The following TAOK1 variants were observed in gnomAD, a reference collection of about 807,000 sequenced individuals.
TAOK1 encodes serine/threonine-protein kinase TAO1.
TAOK1 carries 21 observed loss-of-function variants against 138.3 expected under a neutral mutation model. The ratio of observed to expected loss-of-function variants is 0.15; its 90% CI spans 0.11 to 0.22. The LOEUF (loss-of-function observed/expected upper bound fraction) is 0.22. Ranked by LOEUF, TAOK1 falls within the 10% of genes least tolerant of loss-of-function variation. The pLI, the probability that TAOK1 is intolerant of heterozygous loss-of-function variation, is 1.00. For synonymous variants in TAOK1, 361 were observed against 398.4 expected (o/e 0.91, Z 1.12); for missense variants, 651 against 1,227.7 (o/e 0.53, Z 7.02).
chr17:29,518,093 C>T (rs757679287), intron 16 of TAOK1, among the ~76,000 whole-genome samples: 4 of 152,112 alleles, frequency 2.6e-5, no homozygotes, highest in Non-Finnish European at 4.4e-5. Context: ...TGGCCTCATG[C>T]GGTCTGCCCG....
intron 1 of TAOK1, among the ~76,000 whole-genome samples, chr17:29,419,479 T>C (rs1183391143): frequency 6.7e-6 from 1 of 149,950 alleles, no homozygotes; most frequent in East Asian, 1.9e-4. Flanking sequence ...TGTGAGCCAC[T>C]GCGCCCGGCA....
chr17:29,470,117 T>C (rs1224250095), intron 3 of TAOK1, among the ~76,000 whole-genome samples: 1 of 152,212 alleles, frequency 6.6e-6, no homozygotes, highest in Non-Finnish European at 1.5e-5. Context: ...CTAGTCCTCC[T>C]CTCACACCTC....
At chr17:29,408,448 T>TC (rs1265451615) in intron 1 of TAOK1, among the ~76,000 whole-genome samples, 2 of 151,968 alleles carry the variant, frequency 1.3e-5, no homozygotes, top group Admixed American at 1.3e-4. Context: ...ACTCCTGACC[T>TC]CGAGTGATCC....
rs2032413386 is a variant in TAOK1 at position 29,547,035 on chromosome 17, T to C, written c.*4013T>C. On this transcript the variant is annotated 3_prime_UTR_variant, in exon 20 of 20. Coordinates refer to ENST00000261716, the MANE Select transcript of TAOK1 (RefSeq NM_020791.4). ...AGGAGCCAGTTAGTGTTTCTGTGAGTTTGTGTTGTGATGCAATAAGAGATA... is the reference window on the plus strand; with the variant it reads ...AGGAGCCAGTTAGTGTTTCTGTGAGCTTGTGTTGTGATGCAATAAGAGATA... The C allele has an allele frequency of 6.6e-6, 1 of 152,002 alleles. No individual in the cohort carries two copies. Among genetic ancestry groups the C allele is most frequent in the Admixed American group, 6.6e-5 (1 of 15,240 alleles). 9.4% of individuals were successfully genotyped at this position (152,002 alleles called of 1,614,324 possible). A position where few individuals can be genotyped will look rare whatever the true frequency, so the allele number is the denominator to read the frequency against.
intron 1 of TAOK1, among the ~76,000 whole-genome samples, chr17:29,400,641 G>A (rs1393905739): frequency 6.6e-6 from 1 of 152,012 alleles, no homozygotes; most frequent in Non-Finnish European, 1.5e-5. Flanking sequence ...ATTATTATGT[G>A]CCAGATAAGA....
intron 17 of TAOK1, among the ~76,000 whole-genome samples, chr17:29,525,991 G>A (rs749511120): frequency 3.4e-4 from 51 of 152,228 alleles, no homozygotes; most frequent in Middle Eastern, 3.4e-3. Context: ...GCGAGACTCC[G>A]TCTCAAAAAT....
intron 17 of TAOK1, among the ~76,000 whole-genome samples, chr17:29,528,265 G>A (rs73278642): frequency 0.013 from 1,981 of 152,204 alleles, 45 homozygotes; most frequent in African/African-American, 0.043. Context: ...GGCCAGGCTG[G>A]TCTCAAACTC....
intron 1 of TAOK1, among the ~76,000 whole-genome samples, chr17:29,449,021 TTGAG>T (rs1429563466): frequency 1.3e-5 from 2 of 152,116 alleles, no homozygotes; most frequent in African/African-American, 2.4e-5. Context: ...TTGAAAGACT[TTGAG>T]TGGGAATTTG....
chr17:29,497,126 C>T (rs526664), intron 11 of TAOK1, among the ~76,000 whole-genome samples: 57,526 of 151,838 alleles, frequency 0.38, 12,106 homozygotes, highest in Non-Finnish European at 0.48. Flanking sequence ...TTTTTTCCCT[C>T]TAAATATTTT....
intron 1 of TAOK1, among the ~76,000 whole-genome samples, chr17:29,397,736 T>TAC (rs1041809600): frequency 8.8e-6 from 1 of 114,220 alleles, no homozygotes; most frequent in Non-Finnish European, 1.9e-5. Context: ...TATACATATA[T>TAC]ACACGTATAT....
chr17:29,460,981 T>C (rs2030517259), intron 2 of TAOK1, among the ~76,000 whole-genome samples: 1 of 152,184 alleles, frequency 6.6e-6, no homozygotes, highest in East Asian at 1.9e-4. Context: ...TTCTCTGTTG[T>C]TTGCACCTCC....
intron 14 of TAOK1, among the ~76,000 whole-genome samples, chr17:29,510,241 G>C (rs141976872): frequency 1.1e-4 from 16 of 152,078 alleles, no homozygotes; most frequent in African/African-American, 3.9e-4. Context: ...GCCAGGCGTG[G>C]TGTCACACAC....
chr17:29,466,204 C>T (rs2030663644), intron 2 of TAOK1, among the ~76,000 whole-genome samples: 1 of 152,084 alleles, frequency 6.6e-6, no homozygotes, highest in Non-Finnish European at 1.5e-5. Context: ...AGTGCAGTGG[C>T]ACGGTCATGG....
chr17:29,462,113 T>A (rs1436341426), intron 2 of TAOK1, among the ~76,000 whole-genome samples: 2 of 152,210 alleles, frequency 1.3e-5, no homozygotes, highest in Non-Finnish European at 1.5e-5. Context: ...GGAAGGACCC[T>A]CTGGTCAAAT....
chr17:29,460,274 C>T (rs2030500881), intron 2 of TAOK1, among the ~76,000 whole-genome samples: 2 of 152,218 alleles, frequency 1.3e-5, no homozygotes, highest in African/African-American at 4.8e-5. Context: ...TCACTGTAAC[C>T]TTCACCTCCC....
chr17:29,453,380 C>T (rs995006049), intron 2 of TAOK1, among the ~76,000 whole-genome samples: 15 of 151,822 alleles, frequency 9.9e-5, no homozygotes, highest in South Asian at 4.2e-4. Context: ...AAGATGGTCT[C>T]GATCTCCTAT....
intron 1 of TAOK1, among the ~76,000 whole-genome samples, chr17:29,407,983 C>T (rs191423395): frequency 8.9e-4 from 135 of 152,266 alleles, no homozygotes; most frequent in African/African-American, 3.0e-3. Context: ...TTGCCTCAGC[C>T]TCCCAAATAG....
chr17:29,521,286 C>A lies in TAOK1; in HGVS notation c.1909-994C>A, dbSNP rs796879590. Among the ~76,000 whole-genome samples the A allele has an allele frequency of 7.2e-5, 11 of 152,246 alleles. No homozygotes were observed. In the South Asian group the frequency reaches 8.3e-4, roughly 11 times the overall value. On this transcript the variant is annotated intron_variant, in intron 16 of 19. Transcript: ENST00000261716. ...TTTACATTATATATGTATGTGTTTA[C>A]TTGTTTCCAATATGAAACAAAATTT...
intron 17 of TAOK1, among the ~76,000 whole-genome samples, chr17:29,523,575 G>A (rs2031958075): frequency 6.6e-6 from 1 of 152,094 alleles, no homozygotes; most frequent in African/African-American, 2.4e-5. Flanking sequence ...TTTTAGTAGA[G>A]ACGGGGTTCA....
Sources: gnomAD v4.1 joint callset for allele counts (sites outside exome capture counted in the v4.1 genomes callset) on GRCh38, gnomAD v4.1.1 for gene constraint, MANE v1.5 for transcripts, NCBI Gene and HGNC (gene_info 2026-07-23, HGNC 2026-07-21) for gene names.